Variants in ATRNL1 observed in about 807,000 individuals in gnomAD.
ATRNL1 encodes attractin like 1.
ATRNL1 carries 95 observed loss-of-function variants against 182.7 expected under a neutral mutation model. That is an observed-to-expected ratio of 0.52 (90% CI 0.44 to 0.62). The LOEUF (loss-of-function observed/expected upper bound fraction) is 0.62, where lower values mean the gene tolerates loss of function less well. Among genes scored for constraint, ATRNL1 ranks in the 20% least tolerant of loss-of-function variants. ATRNL1 has a pLI of 0.00. For missense variants in ATRNL1, 1,471 were observed against 1,679.5 expected (o/e 0.88, Z 2.17); for synonymous variants, 576 against 568.3 (o/e 1.01, Z -0.19).
At chr10:115,310,547 T>C (rs1828658610) in intron 17 of ATRNL1, among the ~76,000 whole-genome samples, 1 of 152,170 alleles carries the variant, frequency 6.6e-6, no homozygotes, top group Non-Finnish European at 1.5e-5. Context: ...GATTTCTTCC[T>C]AATTTAAGCT....
chr10:115,509,672 C>T (rs1367603392), intron 24 of ATRNL1, among the ~76,000 whole-genome samples: 1 of 151,850 alleles, frequency 6.6e-6, no homozygotes, highest in Admixed American at 6.6e-5. Context: ...CCAATTAAGC[C>T]CCTTTTCTTT....
At chr10:115,928,764 A>G (rs1953309478) in intron 28 of ATRNL1, among the ~76,000 whole-genome samples, 1 of 151,998 alleles carries the variant, frequency 6.6e-6, no homozygotes, top group Non-Finnish European at 1.5e-5. Context: ...GTACCAGTAT[A>G]CATATGATAA....
At chr10:115,395,671 G>A (rs1554955344) in intron 20 of ATRNL1, among the ~76,000 whole-genome samples, 1 of 151,230 alleles carries the variant, frequency 6.6e-6, no homozygotes, top group East Asian at 1.9e-4. Flanking sequence ...TGTTCTTTCA[G>A]TATGCAGGAA....
At position 115,782,122 on chromosome 10, in the gene ATRNL1, G is replaced by A. The variant is rs570404567; in HGVS notation, c.3903+54767G>A. Reference sequence around the variant, plus strand: ...AATGTCTCAGTTTAAGTGTCTTTACGCTATTCTAACTCAGATAAAGTGGTA... The same window carrying A: ...AATGTCTCAGTTTAAGTGTCTTTACACTATTCTAACTCAGATAAAGTGGTA... On this transcript the variant is annotated intron_variant, in intron 27 of 28. Coordinates refer to ENST00000355044, the MANE Select transcript of ATRNL1 (RefSeq NM_207303.4). Among the ~76,000 whole-genome samples, 10 of 152,280 alleles carry A rather than the reference G, an allele frequency of 6.6e-5. No homozygotes were observed. In the South Asian group the frequency reaches 1.2e-3, roughly 19 times the overall value.
At chr10:115,531,436 G>A (rs1235599459) in intron 25 of ATRNL1, among the ~76,000 whole-genome samples, 2 of 152,144 alleles carry the variant, frequency 1.3e-5, no homozygotes, top group Non-Finnish European at 2.9e-5. Context: ...CTTTTGAGAA[G>A]TGTCTGTTCA....
intron 19 of ATRNL1, among the ~76,000 whole-genome samples, chr10:115,384,491 T>C (rs1007067776): frequency 1.3e-5 from 2 of 152,056 alleles, no homozygotes; most frequent in African/African-American, 4.8e-5. Flanking sequence ...GGCCATTCGG[T>C]CTGTGTGCAG....
intron 19 of ATRNL1, among the ~76,000 whole-genome samples, chr10:115,385,992 T>G (rs138115741): frequency 6.6e-6 from 1 of 152,320 alleles, no homozygotes; most frequent in Non-Finnish European, 1.5e-5. Context: ...AATTATGTCT[T>G]TTAAGTCTTC....
intron 19 of ATRNL1, among the ~76,000 whole-genome samples, chr10:115,336,483 A>G (rs1554936736): frequency 6.6e-6 from 1 of 152,196 alleles, no homozygotes; most frequent in Non-Finnish European, 1.5e-5. Context: ...TTATTGGAGA[A>G]AGTGCATGTG....
chr10:115,702,411 C>G (rs1412170543), intron 26 of ATRNL1, among the ~76,000 whole-genome samples: 2 of 151,880 alleles, frequency 1.3e-5, no homozygotes, highest in Non-Finnish European at 2.9e-5. Flanking sequence ...TCTGGAAGTC[C>G]TAGTCAGAGC....
At chr10:115,773,954 A>G (rs371081561) in intron 27 of ATRNL1, among the ~76,000 whole-genome samples, 45 of 152,232 alleles carry the variant, frequency 3.0e-4, no homozygotes, top group African/African-American at 1.1e-3. Flanking sequence ...ACACATTATC[A>G]TTTCAGATTT....
At chr10:115,563,684 A>C (rs1435980490) in intron 26 of ATRNL1, among the ~76,000 whole-genome samples, 2 of 152,210 alleles carry the variant, frequency 1.3e-5, no homozygotes, top group East Asian at 1.9e-4. Flanking sequence ...GTCATTTAAC[A>C]ATACATAGTT....
At chr10:115,142,137 T>A (rs1342566158) in intron 5 of ATRNL1, among the ~76,000 whole-genome samples, 3 of 152,084 alleles carry the variant, frequency 2.0e-5, no homozygotes, top group Non-Finnish European at 4.4e-5. Flanking sequence ...TAGAAGGTGA[T>A]AAGTACAATG....
chr10:115,121,625 A>C (rs1554871623), intron 2 of ATRNL1, 74 bp from the exon 3 acceptor site: 2 of 519,500 alleles, frequency 3.8e-6, no homozygotes, highest in East Asian at 3.4e-5. Context: ...TATATTATAT[A>C]ATAAATATTA....
At chr10:115,276,803 AT>A (rs1317578233) in intron 13 of ATRNL1, among the ~76,000 whole-genome samples, 13 of 152,174 alleles carry the variant, frequency 8.5e-5, no homozygotes, top group African/African-American at 2.9e-4. Context: ...TTTCAGAATA[AT>A]AGCTTTCTTT....
intron 8 of ATRNL1, among the ~76,000 whole-genome samples, chr10:115,202,758 G>A (rs1554892765): frequency 6.8e-6 from 1 of 146,578 alleles, no homozygotes; most frequent in Non-Finnish European, 1.5e-5. Context: ...AAATGAGTTA[G>A]GGAGGATTCC....
intron 26 of ATRNL1, among the ~76,000 whole-genome samples, chr10:115,626,005 A>T (rs1320496216): frequency 6.6e-6 from 1 of 152,146 alleles, no homozygotes; most frequent in African/African-American, 2.4e-5. Flanking sequence ...CTTGCAGAGT[A>T]AATATTTTAC....
At chr10:115,162,051 C>T (rs1220213359) in intron 6 of ATRNL1, among the ~76,000 whole-genome samples, 3 of 151,732 alleles carry the variant, frequency 2.0e-5, no homozygotes, top group Non-Finnish European at 2.9e-5. Context: ...GGATAGCAAA[C>T]TTTTGAAAAC....
At chr10:115,259,698 C>T (rs548228587) in intron 10 of ATRNL1, among the ~76,000 whole-genome samples, 5 of 152,288 alleles carry the variant, frequency 3.3e-5, no homozygotes, top group African/African-American at 7.2e-5. Flanking sequence ...TCCTCTGCGT[C>T]GATCACACTG....
At chr10:115,239,025 A>G (rs1554902167) in intron 9 of ATRNL1, among the ~76,000 whole-genome samples, 1 of 152,140 alleles carries the variant, frequency 6.6e-6, no homozygotes, top group African/African-American at 2.4e-5. Context: ...GATGGATTGA[A>G]TCAATTGACT....
Sources: gnomAD v4.1 joint callset for allele counts (sites outside exome capture counted in the v4.1 genomes callset) on GRCh38, gnomAD v4.1.1 for gene constraint, MANE v1.5 for transcripts, NCBI Gene and HGNC (gene_info 2026-07-23, HGNC 2026-07-21) for gene names.